HERC1: variants seen among roughly 807,000 people sequenced by gnomAD.
HERC1 encodes the protein HECT and RLD domain containing E3 ubiquitin protein ligase family member 1.
A neutral mutation model predicts 554.3 loss-of-function variants in HERC1; 160 were observed. That is an observed-to-expected ratio of 0.29 (90% CI 0.25 to 0.33). The LOEUF is 0.33. HERC1 is among the 10% of genes least tolerant of loss of function. HERC1 has a pLI of 1.00. For missense variants in HERC1, 4,919 were observed against 5,918.5 expected (o/e 0.83, Z 5.54); for synonymous variants, 2,175 against 2,131.7 (o/e 1.02, Z -0.56).
intron 14 of HERC1, 62 bp from the exon 15 acceptor site, chr15:63,729,711 C>T: frequency 2.0e-6 from 3 of 1,532,818 alleles, no homozygotes; most frequent in Middle Eastern, 1.7e-4. Context: ...TAACAACCTA[C>T]CATAAATCTG....
chr15:63,765,120 CAT>C (rs1277945729), intron 2 of HERC1, among the ~76,000 whole-genome samples: 2 of 152,204 alleles, frequency 1.3e-5, no homozygotes, highest in African/African-American at 2.4e-5. Context: ...TGAATATCCT[CAT>C]AGGTAACTAC....
At chr15:63,690,333 C>G (rs1289438009) in intron 32 of HERC1, among the ~76,000 whole-genome samples, 1 of 152,060 alleles carries the variant, frequency 6.6e-6, no homozygotes, top group African/African-American at 2.4e-5. Context: ...GCAGAGTATT[C>G]TCTATCCCTC....
chr15:63,675,609 C>T (rs1301351356), intron 37 of HERC1, among the ~76,000 whole-genome samples: 1 of 152,250 alleles, frequency 6.6e-6, no homozygotes, highest in East Asian at 1.9e-4. Context: ...TAAATGGTTA[C>T]TTATAACTTA....
At chr15:63,740,102 G>A (rs796446867) in intron 12 of HERC1, among the ~76,000 whole-genome samples, 64 of 152,064 alleles carry the variant, frequency 4.2e-4, no homozygotes, top group African/African-American at 1.4e-3. Flanking sequence ...GTAGAGACAG[G>A]GTTTCACCAT....
At chr15:63,786,089 A>G (rs1208390795) in intron 1 of HERC1, among the ~76,000 whole-genome samples, 1 of 152,078 alleles carries the variant, frequency 6.6e-6, no homozygotes, top group Non-Finnish European at 1.5e-5. Context: ...AAGGTACTCA[A>G]TATTATAAAT....
At chr15:63,795,802 C>T (rs996251267) in intron 1 of HERC1, among the ~76,000 whole-genome samples, 10 of 152,302 alleles carry the variant, frequency 6.6e-5, no homozygotes, top group South Asian at 2.1e-4. Flanking sequence ...CTGGCTGGAA[C>T]GGGACCTGAC....
At chr15:63,826,809 A>ATATAT (rs2077938360) in intron 1 of HERC1, among the ~76,000 whole-genome samples, 1 of 69,324 alleles carries the variant, frequency 1.4e-5, no homozygotes, top group Non-Finnish European at 2.9e-5. Flanking sequence ...AAAAAAAAAA[A>ATATAT]AAAAAATATA....
intron 1 of HERC1, among the ~76,000 whole-genome samples, chr15:63,816,644 T>C (rs2077502591): frequency 6.6e-6 from 1 of 152,210 alleles, no homozygotes; most frequent in Non-Finnish European, 1.5e-5. Context: ...GTGTATTTAT[T>C]CAACATTCCC....
intron 70 of HERC1, among the ~76,000 whole-genome samples, chr15:63,627,430 G>C (rs939718558): frequency 2.0e-5 from 3 of 152,094 alleles, no homozygotes; most frequent in Admixed American, 6.5e-5. Flanking sequence ...CCAGCACTTT[G>C]GGACGCTGAG....
intron 74 of HERC1, among the ~76,000 whole-genome samples, chr15:63,616,945 AG>A (rs2067844430): frequency 6.6e-6 from 1 of 152,224 alleles, no homozygotes; most frequent in South Asian, 2.1e-4. Flanking sequence ...TATTTTTAGA[AG>A]AACTATGTAA....
chr15:63,788,214 AT>A (rs2076518867), intron 1 of HERC1, among the ~76,000 whole-genome samples: 1 of 152,172 alleles, frequency 6.6e-6, no homozygotes, highest in African/African-American at 2.4e-5. Context: ...CAGACTGATG[AT>A]TTGGGGAACA....
intron 3 of HERC1, among the ~76,000 whole-genome samples, chr15:63,760,710 C>T (rs2075583778): frequency 6.6e-6 from 1 of 151,892 alleles, no homozygotes; most frequent in African/African-American, 2.4e-5. Flanking sequence ...AAAGATCCAA[C>T]ATGCACATAA....
At chr15:63,644,882 C>T (rs756505832) in intron 57 of HERC1, 110 bp downstream of exon 57, 38 of 738,240 alleles carry the variant, frequency 5.1e-5, no homozygotes, top group Non-Finnish European at 8.4e-5. Context: ...CCCAATGGAT[C>T]TTGCCCTTTG....
intron 1 of HERC1, among the ~76,000 whole-genome samples, chr15:63,822,059 T>C (rs921536519): frequency 3.9e-5 from 6 of 152,250 alleles, no homozygotes; most frequent in African/African-American, 1.4e-4. Context: ...TCTGAGGCAC[T>C]CTCTTTAAAC....
rs775464349 is a variant in HERC1, at chr15:63,674,878, G to A, written c.7310C>T (p.Ala2437Val). Residue 2437 changes from alanine (A) to valine (V), a missense_variant, in exon 38 of 78, where the codon GCT (alanine) becomes GTT (valine). Physicochemically the swap from Ala to Val is moderately conservative, Grantham distance 64 (BLOSUM62 0). Coordinates refer to ENST00000443617, the MANE Select transcript of HERC1 (RefSeq NM_003922.4). ...TGTTAGGCCTGTTCGCATATCTAAA[G>A]CGGATTCACTCTCAGGTTTCTGCTC... ...DVEQKPESES[A>V]LDMRTGLTSD... 2 of 1,613,894 alleles carry A rather than the reference G, an allele frequency of 1.2e-6. No individual in the cohort carries two copies. Among genetic ancestry groups the A allele is most frequent in the South Asian group, 1.1e-5 (1 of 91,070 alleles).
rs138854741 is a variant in HERC1 at position 63,807,799 on chromosome 15, C to G, written c.-27+26028G>C. Among the ~76,000 whole-genome samples, 6 of 152,224 alleles carry G rather than the reference C, an allele frequency of 3.9e-5. No homozygotes were observed. In the South Asian group the frequency reaches 8.3e-4, roughly 21 times the overall value. On this transcript the variant is annotated intron_variant, in intron 1 of 77. Coordinates refer to ENST00000443617, the MANE Select transcript of HERC1 (RefSeq NM_003922.4). ...ATGTTCAATCCTACCTTTGTGCCCCCACTCATGCTGTTGTCCTCTGTAATG... is the reference window on the plus strand; with the variant it reads ...ATGTTCAATCCTACCTTTGTGCCCCGACTCATGCTGTTGTCCTCTGTAATG...
chr15:63,715,167 C>T (rs2073491199), intron 22 of HERC1, among the ~76,000 whole-genome samples: 1 of 152,244 alleles, frequency 6.6e-6, no homozygotes, highest in South Asian at 2.1e-4. Context: ...TTAGTTCATT[C>T]ATCTTTAGAA....
intron 71 of HERC1, among the ~76,000 whole-genome samples, chr15:63,625,464 G>T (rs1015418782): frequency 6.6e-6 from 1 of 151,962 alleles, no homozygotes; most frequent in Admixed American, 6.6e-5. Context: ...AGGTGGAGGT[G>T]GGGGGGATCA....
chr15:63,628,543 G>T, intron 70 of HERC1, 134 bp downstream of exon 70: 1 of 932,792 alleles, frequency 1.1e-6, no homozygotes, highest in Non-Finnish European at 1.6e-6. Context: ...GTAGCACAAA[G>T]AATGCTTTGT....
Sources: gnomAD v4.1 joint callset for allele counts (sites outside exome capture counted in the v4.1 genomes callset) on GRCh38, gnomAD v4.1.1 for gene constraint, MANE v1.5 for transcripts, NCBI Gene and HGNC (gene_info 2026-07-23, HGNC 2026-07-21) for gene names.